Variants in JMJD1C observed in about 807,000 individuals in gnomAD.
JMJD1C encodes jumonji domain-containing protein 1C.
In JMJD1C, 31 loss-of-function variants were observed where a neutral mutation model predicts 245.3. That is an observed-to-expected ratio of 0.13 (90% CI 0.09 to 0.17). JMJD1C has a LOEUF of 0.17. Ranked by LOEUF, JMJD1C falls within the 10% of genes least tolerant of loss-of-function variation. JMJD1C has a pLI of 1.00. For synonymous variants in JMJD1C, 1,057 were observed against 1,017.4 expected (o/e 1.04, Z -0.74); for missense variants, 2,691 against 3,000.2 (o/e 0.90, Z 2.41).
Position 63,237,737 on chromosome 10 carries a change from A to C in JMJD1C, c.448-17754T>G, listed in dbSNP as rs75826634. ...CATTACGCTTAGTAGTTGAGCACACATAATTAGAAAATCTGAAATCCAAAA... is the reference window on the plus strand; with the variant it reads ...CATTACGCTTAGTAGTTGAGCACACCTAATTAGAAAATCTGAAATCCAAAA... On this transcript the variant is annotated intron_variant, in intron 3 of 25. Coordinates refer to ENST00000399262, the MANE Select transcript of JMJD1C (RefSeq NM_032776.3). Among the ~76,000 whole-genome samples the C allele has an allele frequency of 4.8e-4, 73 of 152,308 alleles. No homozygotes were observed. In the East Asian group the frequency reaches 0.014, roughly 29 times the overall value.
rs1845035136 is a variant in JMJD1C, at chr10:63,193,091, G to C, written c.5923C>G (p.Gln1975Glu). ...KISLCMPESQ[Q>E]QNTPPKSEKN... ...TCAGACTTCGGAGGAGTATTTTGCT[G>C]CTGAGACTCAGGCATGCACAGAGAA... Residue 1975 changes from glutamine to glutamate, a missense_variant, in exon 16 of 26, where the codon CAG becomes GAG. By Grantham distance (29) the Gln-to-Glu change is conservative (BLOSUM62 2). Coordinates refer to ENST00000399262, the MANE Select transcript of JMJD1C (RefSeq NM_032776.3). 1 of 1,614,060 alleles carries C rather than the reference G, an allele frequency of 6.2e-7. No individual in the cohort carries two copies. The highest frequency in any genetic ancestry group is 8.5e-7 in the Non-Finnish European group (1 of 1,180,012).
intron 2 of JMJD1C, among the ~76,000 whole-genome samples, chr10:63,265,386 T>C (rs541468754): frequency 2.0e-5 from 3 of 151,644 alleles, no homozygotes; most frequent in Admixed American, 2.0e-4. Context: ...TGCAGTCAAG[T>C]CCAAATCTCC....
At chr10:63,429,593 A>G (rs1950631652) in intron 1 of JMJD1C, among the ~76,000 whole-genome samples, 1 of 152,230 alleles carries the variant, frequency 6.6e-6, no homozygotes, top group Admixed American at 6.5e-5. Context: ...GATTCAAGGC[A>G]AAATTTAAAG....
At chr10:63,374,064 T>G (rs1026396768) in intron 2 of JMJD1C, among the ~76,000 whole-genome samples, 2 of 152,144 alleles carry the variant, frequency 1.3e-5, no homozygotes, top group Non-Finnish European at 2.9e-5. Context: ...AATATCCCAT[T>G]GCATAGACTT....
At chr10:63,181,913 A>G (rs1410376477) in intron 22 of JMJD1C, among the ~76,000 whole-genome samples, 1 of 152,218 alleles carries the variant, frequency 6.6e-6, no homozygotes, top group Non-Finnish European at 1.5e-5. Context: ...CAATAACTCA[A>G]GTGTGCCCAC....
At chr10:63,368,824 C>T (rs1254309026) in intron 2 of JMJD1C, among the ~76,000 whole-genome samples, 2 of 151,672 alleles carry the variant, frequency 1.3e-5, no homozygotes, top group Non-Finnish European at 2.9e-5. Context: ...GTAGCTGGGA[C>T]TACAGTAGAG....
Position 63,213,603 on chromosome 10 carries a change from T to C in JMJD1C, c.2564A>G (p.Asn855Ser), listed in dbSNP as rs1484627382. 1 of 1,614,000 alleles carries C rather than the reference T, an allele frequency of 6.2e-7. No individual in the cohort carries two copies. The highest frequency in any genetic ancestry group is 8.5e-7 in the Non-Finnish European group (1 of 1,179,972). The change falls in exon 8 of 26, where the codon AAT becomes AGT. Residue 855 changes from asparagine (N) to serine (S), a missense_variant. Coordinates refer to ENST00000399262, the MANE Select transcript of JMJD1C (RefSeq NM_032776.3). ...AATAATTGGATAAAGTCCAAGCTGATTATATGAAGCAGAAGGATGGGCTTG... is the reference window on the plus strand; with the variant it reads ...AATAATTGGATAAAGTCCAAGCTGACTATATGAAGCAGAAGGATGGGCTTG... Reference protein sequence around the residue: ...LGQAHPSASYNQLGLYPIIWQ... With the variant: ...LGQAHPSASYSQLGLYPIIWQ...
chr10:63,400,150 C>A (rs1265306005), intron 1 of JMJD1C, among the ~76,000 whole-genome samples: 1 of 152,126 alleles, frequency 6.6e-6, no homozygotes, highest in Admixed American at 6.5e-5. Context: ...TCAATCAGAA[C>A]CCTAACAGAT....
intron 1 of JMJD1C, among the ~76,000 whole-genome samples, chr10:63,520,133 TTTA>T (rs1344767679): frequency 6.6e-6 from 1 of 152,212 alleles, no homozygotes; most frequent in East Asian, 1.9e-4. Flanking sequence ...TATTACCCAA[TTTA>T]TTGACTGAGA....
chr10:63,415,431 C>T (rs552526456), intron 1 of JMJD1C, among the ~76,000 whole-genome samples: 8 of 152,196 alleles, frequency 5.3e-5, no homozygotes, highest in Non-Finnish European at 1.0e-4. Context: ...AAATATGAAA[C>T]TAGTTCTCAC....
In JMJD1C at chr10:63,207,151, A is replaced by G; in HGVS notation, c.4518T>C (p.Ala1506=). The change falls in exon 10 of 26, where the codon GCT becomes GCC. Residue 1506 remains alanine (A), a synonymous_variant. Transcript: ENST00000399262. Reference sequence around the variant, plus strand: ...AGGCTGAAAGTGTCTGATTTTTTATAGCATTAGGTTCAGTCTCACTGGCAT... The same window carrying G: ...AGGCTGAAAGTGTCTGATTTTTTATGGCATTAGGTTCAGTCTCACTGGCAT... ...SSNASETEPN[A]IKNQTLSASL... 6.2e-7 allele frequency: 1 copy of G among 1,614,128 alleles called. No individual in the cohort carries two copies.
Position 63,206,735 on chromosome 10 carries a change from T to C in JMJD1C, c.4934A>G (p.Gln1645Arg). 1 of 1,613,962 alleles carries C rather than the reference T, an allele frequency of 6.2e-7. No homozygotes were observed. The highest frequency in any genetic ancestry group is 8.5e-7 in the Non-Finnish European group (1 of 1,179,978). Residue 1645 changes from glutamine (Q) to arginine (R), a missense_variant, in exon 10 of 26, where the codon CAA (glutamine) becomes CGA (arginine). By Grantham distance (43) the Gln-to-Arg change is conservative. Transcript: ENST00000399262. Reference sequence around the variant, plus strand: ...CTTCTTTTTGTAAGTTGGCTTAGGTTGTCTTTTAGTCCTTTGCTCTGACTT... The same window carrying C: ...CTTCTTTTTGTAAGTTGGCTTAGGTCGTCTTTTAGTCCTTTGCTCTGACTT... ...ESKSEQRTKRQPKPTYKKKQN... is the reference protein window; with the variant it reads ...ESKSEQRTKRRPKPTYKKKQN...
At chr10:63,346,005 G>A (rs540094605) in intron 2 of JMJD1C, among the ~76,000 whole-genome samples, 74 of 152,222 alleles carry the variant, frequency 4.9e-4, no homozygotes, top group Middle Eastern at 6.8e-3. Flanking sequence ...TACTCCTTAC[G>A]ACTTTCTGTG....
intron 3 of JMJD1C, among the ~76,000 whole-genome samples, chr10:63,264,297 T>C (rs1465426184): frequency 6.6e-6 from 1 of 152,132 alleles, no homozygotes; most frequent in Non-Finnish European, 1.5e-5. Context: ...CTCATTTAAT[T>C]ATATTAATTT....
At chr10:63,189,663 G>A (rs192991780) in intron 17 of JMJD1C, among the ~76,000 whole-genome samples, 2 of 152,226 alleles carry the variant, frequency 1.3e-5, no homozygotes, top group East Asian at 1.9e-4. Flanking sequence ...CAGCCTTCCT[G>A]TCTTTTACAT....
intron 1 of JMJD1C, among the ~76,000 whole-genome samples, chr10:63,396,933 T>G (rs569349957): frequency 1.9e-4 from 29 of 149,262 alleles, no homozygotes; most frequent in African/African-American, 5.2e-4. Context: ...TTTTTGGTTT[T>G]TTTTTTTTTT....
intron 2 of JMJD1C, among the ~76,000 whole-genome samples, chr10:63,348,224 G>C (rs1181054665): frequency 7.0e-6 from 1 of 142,568 alleles, no homozygotes; most frequent in African/African-American, 2.6e-5. Context: ...AAAAAAAAAG[G>C]CATTCAAATG....
At position 63,350,618 on chromosome 10, in the gene JMJD1C, T is replaced by C. The variant is rs1019680907; in HGVS notation, c.333+29700A>G. On this transcript the variant is annotated intron_variant, in intron 2 of 25. Transcript: ENST00000399262. Reference sequence around the variant, plus strand: ...CAGCTAGTGAGCTGCAGAACCAACTTTTTTTTTTTTTTTTTTGAGACGGAG... The same window carrying C: ...CAGCTAGTGAGCTGCAGAACCAACTCTTTTTTTTTTTTTTTTGAGACGGAG... Among the ~76,000 whole-genome samples, 4 of 6,076 alleles carry C rather than the reference T, an allele frequency of 6.6e-4. No individual in the cohort carries two copies. In the African/African-American group the frequency reaches 7.9e-3, roughly 12 times the overall value. The allele number at this position is 6,076 out of a possible 152,430, so 4.0% of individuals were successfully genotyped here.
In JMJD1C at chr10:63,500,746, A is replaced by AGGATGGATGGATGGATGGAT. The variant is rs780486083; in HGVS notation, n.113+20972_113+20991dup. On this transcript the variant is annotated intron_variant and non_coding_transcript_variant, in intron 1 of 3. Coordinates refer to the JMJD1C transcript ENST00000633035. ...CTCGATGGATGGATGGATGGATGGA[A>AGGATGGATGGATGGATGGAT]GGATGGATGGATGGATGGATGGATG... is the stretch of plus-strand genomic sequence containing the variant. Among the ~76,000 whole-genome samples, 315 of 112,204 alleles carry AGGATGGATGGATGGATGGAT rather than the reference A, an allele frequency of 2.8e-3. 3 individuals are homozygous for AGGATGGATGGATGGATGGAT. Among genetic ancestry groups the AGGATGGATGGATGGATGGAT allele is most frequent in the East Asian group, 6.2e-3 (25 of 4,018 alleles). 73.6% of individuals were successfully genotyped at this position (112,204 alleles called of 152,430 possible).
Sources: gnomAD v4.1 joint callset for allele counts (sites outside exome capture counted in the v4.1 genomes callset) on GRCh38, gnomAD v4.1.1 for gene constraint, MANE v1.5 for transcripts, NCBI Gene and HGNC (gene_info 2026-07-23, HGNC 2026-07-21) for gene names.